The following TMEM272 variants were observed in gnomAD, a reference collection of about 807,000 sequenced individuals.
TMEM272 encodes the protein transmembrane protein 272.
Under a neutral mutation model 3.7 loss-of-function variants are expected in TMEM272, and 8 were observed. That is an observed-to-expected ratio of 2.17 (90% CI 1.27 to 3.91). The LOEUF (loss-of-function observed/expected upper bound fraction) is 3.91. Ranked by LOEUF, TMEM272 falls within the 30% of genes most tolerant of loss-of-function variation. TMEM272 has a pLI of 0.00. For synonymous variants in TMEM272, 63 were observed against 39.8 expected, an observed-to-expected ratio of 1.58 and a Z score of -2.20; for missense variants, 166 against 91.5, an observed-to-expected ratio of 1.81 and a Z score of -3.32.
intron 4 of TMEM272, among the ~76,000 whole-genome samples, chr13:51,820,291 CG>C (rs1220162063): frequency 1.1e-4 from 17 of 152,136 alleles, no homozygotes; most frequent in Admixed American, 9.2e-4. Flanking sequence ...ATGCATTTCA[CG>C]AAGGATGTTG....
At chr13:51,913,722 C>T in the TMEM272 span, among the ~76,000 whole-genome samples, 1 of 152,170 alleles carries the variant, frequency 6.6e-6, no homozygotes, top group East Asian at 1.9e-4. Flanking sequence ...GGAAATACAG[C>T]CTGCCCTCAT....
the TMEM272 span, among the ~76,000 whole-genome samples, chr13:51,874,863 A>C: frequency 6.6e-6 from 1 of 152,114 alleles, no homozygotes; most frequent in Non-Finnish European, 1.5e-5. Flanking sequence ...CTCCTCCTCC[A>C]CAATTTGAAA....
chr13:51,887,303 A>G, the TMEM272 span, among the ~76,000 whole-genome samples: 4,179 of 152,266 alleles, frequency 0.027, 89 homozygotes, highest in Non-Finnish European at 0.044. Flanking sequence ...CTGGACAACT[A>G]TTTAGCAATT....
the TMEM272 span, among the ~76,000 whole-genome samples, chr13:51,925,612 G>C: frequency 6.6e-6 from 1 of 152,056 alleles, no homozygotes; most frequent in African/African-American, 2.4e-5. Context: ...GAGATGCATA[G>C]AGATGTGTAC....
chr13:51,868,908 C>T, the TMEM272 span, among the ~76,000 whole-genome samples: 2 of 152,212 alleles, frequency 1.3e-5, no homozygotes, highest in East Asian at 1.9e-4. Context: ...TCATCTTCCC[C>T]GCAAAGCCTG....
chr13:51,903,831 G>C, the TMEM272 span, among the ~76,000 whole-genome samples: 1 of 152,144 alleles, frequency 6.6e-6, no homozygotes, highest in African/African-American at 2.4e-5. Flanking sequence ...GCAGAAAAGA[G>C]AACCATATAG....
At chr13:51,826,502 T>C (rs978948428) in intron 3 of TMEM272, 64 bp downstream of exon 3, 2 of 699,622 alleles carry the variant, frequency 2.9e-6, no homozygotes, top group African/African-American at 3.5e-5. Context: ...AAAGATTACA[T>C]GCCTTGGGTC....
intron 1 of TMEM272, among the ~76,000 whole-genome samples, chr13:51,842,765 A>C (rs1293472635): frequency 6.6e-6 from 1 of 152,234 alleles, no homozygotes; most frequent in Non-Finnish European, 1.5e-5. Context: ...TGGTCTTCAG[A>C]ACTCTCATTT....
the TMEM272 span, among the ~76,000 whole-genome samples, chr13:51,850,827 T>C: frequency 6.6e-6 from 1 of 152,236 alleles, no homozygotes; most frequent in Admixed American, 6.5e-5. Flanking sequence ...TGCTTTGTCA[T>C]ACAATAGAAA....
chr13:51,876,197 G>A, the TMEM272 span, among the ~76,000 whole-genome samples: 35 of 152,172 alleles, frequency 2.3e-4, no homozygotes, highest in Non-Finnish European at 2.2e-4. Flanking sequence ...TTGGCTTCTG[G>A]AACATCTTCC....
At chr13:51,890,626 C>G in the TMEM272 span, among the ~76,000 whole-genome samples, 86 of 152,216 alleles carry the variant, frequency 5.6e-4, 2 homozygotes, top group East Asian at 0.013. Context: ...GACTAAGACA[C>G]CCAGCAGAAT....
At chr13:51,926,259 T>G in the TMEM272 span, among the ~76,000 whole-genome samples, 1 of 152,112 alleles carries the variant, frequency 6.6e-6, no homozygotes, top group Admixed American at 6.5e-5. Context: ...AGGACTTCCC[T>G]GGGGACCTGG....
the TMEM272 span, among the ~76,000 whole-genome samples, chr13:51,922,240 C>T: frequency 6.6e-6 from 1 of 152,110 alleles, no homozygotes; most frequent in Non-Finnish European, 1.5e-5. Flanking sequence ...GGCAGATAAA[C>T]ACAGGAAGGG....
At chr13:51,869,043 C>A in the TMEM272 span, among the ~76,000 whole-genome samples, 1 of 152,182 alleles carries the variant, frequency 6.6e-6, no homozygotes, top group Non-Finnish European at 1.5e-5. Context: ...TGTGGTTTAT[C>A]TCCAGGAAAG....
chr13:51,833,939 T>C (rs566249031), intron 2 of TMEM272, among the ~76,000 whole-genome samples: 1 of 151,826 alleles, frequency 6.6e-6, no homozygotes, highest in Non-Finnish European at 1.5e-5. Flanking sequence ...GGAGGAGCAA[T>C]GAAGAGGGGG....
chr13:51,854,395 G>T, the TMEM272 span, among the ~76,000 whole-genome samples: 18 of 152,162 alleles, frequency 1.2e-4, no homozygotes, highest in Non-Finnish European at 2.4e-4. Flanking sequence ...TTGAGACTGG[G>T]TACTTGAAAC....
At chr13:51,835,527 A>G (rs1349687172) in intron 2 of TMEM272, among the ~76,000 whole-genome samples, 1 of 152,152 alleles carries the variant, frequency 6.6e-6, no homozygotes, top group Non-Finnish European at 1.5e-5. Context: ...CCCGGCCAAA[A>G]CTTTTATTTT....
chr13:51,838,405 A>T, intron 2 of TMEM272, 68 bp downstream of exon 2: 1 of 702,950 alleles, frequency 1.4e-6, no homozygotes, highest in Non-Finnish European at 2.6e-6. Flanking sequence ...CTCCAGCTTT[A>T]GCTCATCGGG....
chr13:51,900,318 T>C, the TMEM272 span, among the ~76,000 whole-genome samples: 6 of 151,968 alleles, frequency 3.9e-5, no homozygotes, highest in Non-Finnish European at 5.9e-5. Flanking sequence ...AATTTAAAAA[T>C]AAGCAAATGA....
Sources: gnomAD v4.1 joint callset for allele counts (sites outside exome capture counted in the v4.1 genomes callset) on GRCh38, gnomAD v4.1.1 for gene constraint, MANE v1.5 for transcripts, NCBI Gene and HGNC (gene_info 2026-07-23, HGNC 2026-07-21) for gene names.